TMPRSS3: variants seen among roughly 807,000 people sequenced by gnomAD.
TMPRSS3 encodes the protein transmembrane serine protease 3.
Under a neutral mutation model 59.6 loss-of-function variants are expected in TMPRSS3, and 55 were observed. The ratio of observed to expected loss-of-function variants is 0.92; its 90% CI spans 0.74 to 1.16. The LOEUF is 1.16. TMPRSS3 is among the 50% of genes most tolerant of loss of function. The probability of loss-of-function intolerance (pLI) is 0.00; values close to 1 mark genes in which losing one functional copy is unlikely to be tolerated. For missense variants in TMPRSS3, 596 were observed against 579.4 expected (o/e 1.03, Z -0.29); for synonymous variants, 257 against 237.7 (o/e 1.08, Z -0.75).
In TMPRSS3 at chr21:42,394,941, C is replaced by T. The variant is rs117876523; in HGVS notation, c.94+383G>A. The stretch of plus-strand genomic sequence containing the variant: ...TAATCTAGGCCTCTAATATCTTTGG[C>T]GACATCCAGTTTATCCTGAGTTTTC... On this transcript the variant is annotated intron_variant, in intron 2 of 12. Coordinates refer to ENST00000644384, the MANE Select transcript of TMPRSS3 (RefSeq NM_001256317.3). Among the ~76,000 whole-genome samples the T allele has an allele frequency of 7.2e-4, 109 of 152,298 alleles. 1 individual carries two copies. In the East Asian group the frequency reaches 0.02, roughly 27 times the overall value.
At chr21:42,373,406 A>G (rs2052367140) in intron 12 of TMPRSS3, among the ~76,000 whole-genome samples, 1 of 152,198 alleles carries the variant, frequency 6.6e-6, no homozygotes, top group Non-Finnish European at 1.5e-5. Context: ...TGCAGGGAGC[A>G]GGGGCCCCAG....
intron 9 of TMPRSS3, 29 bp from the exon 10 acceptor site, chr21:42,380,241 C>T (rs1213122226): frequency 1.9e-6 from 3 of 1,573,834 alleles, no homozygotes; most frequent in East Asian, 2.2e-5. Context: ...TAGTTCACAA[C>T]TCAATTGAAG....
intron 10 of TMPRSS3, 33 bp downstream of exon 10, chr21:42,380,084 C>A: frequency 6.3e-7 from 1 of 1,581,108 alleles, no homozygotes; most frequent in South Asian, 1.1e-5. Flanking sequence ...TTCTGAGCCC[C>A]TGGACTCCGA....
intron 2 of TMPRSS3, among the ~76,000 whole-genome samples, chr21:42,393,014 C>A (rs771837209): frequency 6.6e-6 from 1 of 152,184 alleles, no homozygotes; most frequent in Non-Finnish European, 1.5e-5. Context: ...ATGCAAATGG[C>A]GCACAAGTAT....
At chr21:42,390,236 C>A in intron 2 of TMPRSS3, 199 bp from the exon 3 acceptor site, 1 of 601,408 alleles carries the variant, frequency 1.7e-6, no homozygotes, top group Non-Finnish European at 3.0e-6. Context: ...CACCTCTGAC[C>A]CGGTTATTCC....
Position 42,396,037 on chromosome 21 carries a change from C to T in TMPRSS3, c.-147G>A, listed in dbSNP as rs200277359. On this transcript the variant is annotated 5_prime_UTR_variant, in exon 1 of 13. An upstream open reading frame in the 5' UTR loses its in-frame stop. Transcript: ENST00000644384. Reference sequence around the variant, plus strand: ...CCATAAACACAGCCCTTTCCTGGCTCACACGGGCATGACCTAATTAAGAAC... The same window carrying T: ...CCATAAACACAGCCCTTTCCTGGCTTACACGGGCATGACCTAATTAAGAAC... 1.7e-5 allele frequency: 9 copies of T among 518,882 alleles called. No homozygotes were observed. The highest frequency in any genetic ancestry group is 3.5e-5 in the Non-Finnish European group (9 of 259,876). The allele number at this position is 518,882 out of a possible 1,614,324, so 32.1% of individuals were successfully genotyped here.
intron 2 of TMPRSS3, chr21:42,390,270 T>C (rs1253985233): frequency 5.6e-6 from 3 of 536,552 alleles, no homozygotes; most frequent in Non-Finnish European, 1.0e-5. Context: ...GGATGTGCTA[T>C]GGGTTGAATA....
intron 8 of TMPRSS3, 99 bp downstream of exon 8, chr21:42,382,934 G>C: frequency 6.9e-7 from 1 of 1,441,548 alleles, no homozygotes; most frequent in Non-Finnish European, 9.6e-7. Context: ...TAGTCTCTCT[G>C]TCTTCCCTCT....
rs1048634430 is a variant in TMPRSS3 at position 42,375,972 on chromosome 21, A to AC, written c.1192-105dup. 1.1e-5 allele frequency: 17 copies of AC among 1,484,892 alleles called. 1 individual carries two copies. The highest frequency in any genetic ancestry group is 6.9e-5 in the African/African-American group (5 of 72,446). The allele number at this position is 1,484,892 out of a possible 1,614,324, so 92.0% of individuals were successfully genotyped here. ...TGAGGCTGCTTGCTATGGAGTTGGG[A>AC]CCCCCCTTCATGATGTCCCAATGGA... On this transcript the variant is annotated intron_variant, in intron 11 of 12. Coordinates refer to ENST00000644384, the MANE Select transcript of TMPRSS3 (RefSeq NM_001256317.3).
chr21:42,383,552 G>A lies in TMPRSS3; in HGVS notation c.617-354C>T, dbSNP rs75429417. 344 of 506,212 alleles carry A rather than the reference G, an allele frequency of 6.8e-4. 1 individual carries two copies. In the East Asian group the frequency reaches 0.011, roughly 16 times the overall value. 31.4% of individuals were successfully genotyped at this position (506,212 alleles called of 1,614,324 possible). ...CTTCTGCAGCCCCCTCCTCACTGCCGCTGGTGCACGCACCTCCCTGACTGC... is the reference window on the plus strand; with the variant it reads ...CTTCTGCAGCCCCCTCCTCACTGCCACTGGTGCACGCACCTCCCTGACTGC... On this transcript the variant is annotated intron_variant, in intron 7 of 12. Transcript: ENST00000644384.
intron 11 of TMPRSS3, 42 bp from the exon 12 acceptor site, chr21:42,375,910 G>A (rs566852292): frequency 1.1e-5 from 17 of 1,610,296 alleles, no homozygotes; most frequent in African/African-American, 2.7e-5. Flanking sequence ...GACAGTCACC[G>A]CCATGCGAGA....
rs751824789 is a variant in TMPRSS3 at position 42,388,911 on chromosome 21, G to T, written c.322+18C>A. 8 of 1,606,460 alleles carry T rather than the reference G, an allele frequency of 5.0e-6. No individual in the cohort carries two copies. Among genetic ancestry groups the T allele is most frequent in the Middle Eastern group, 1.7e-4 (1 of 5,778 alleles). On this transcript the variant is annotated intron_variant, in intron 4 of 12. Transcript: ENST00000644384. This position sits in a 1 kb window ranked among gnomAD's most constrained non-coding sequence, Gnocchi z 5.1. ...GCTGCTTCCTTCTGTTTCCCCAGGGGAAGAGCCATGACCTTACCACAGCGG... is the reference window on the plus strand; with the variant it reads ...GCTGCTTCCTTCTGTTTCCCCAGGGTAAGAGCCATGACCTTACCACAGCGG...
In TMPRSS3 at chr21:42,395,419, G is replaced by T. The variant is rs1235125095; in HGVS notation, c.-2C>A. The T allele has an allele frequency of 1.2e-6, 2 of 1,613,980 alleles. No homozygotes were observed. Among genetic ancestry groups the T allele is most frequent in the Admixed American group, 1.7e-5 (1 of 60,016 alleles). ...AGCAGGCGGATCATTTTCCCCCATG[G>T]TGACTATTTCAGGACCTCTGACATC... On this transcript the variant is annotated 5_prime_UTR_variant, in exon 2 of 13. Coordinates refer to ENST00000644384, the MANE Select transcript of TMPRSS3 (RefSeq NM_001256317.3).
Position 42,376,540 on chromosome 21 carries a change from C to T in TMPRSS3, c.1191+1G>A. 6.2e-7 allele frequency: 1 copy of T among 1,613,168 alleles called. No homozygotes were observed. Among genetic ancestry groups the T allele is most frequent in the Non-Finnish European group, 8.5e-7 (1 of 1,179,866 alleles). Reference sequence around the variant, plus strand: ...CCTCGCCCACCGCTGCGGCCCCGTACCTGGCAGCTGTCCACGCCACCCGTC... The same window carrying T: ...CCTCGCCCACCGCTGCGGCCCCGTATCTGGCAGCTGTCCACGCCACCCGTC... On this transcript the variant is annotated splice_donor_variant, in intron 11 of 12. Coordinates refer to ENST00000644384, the MANE Select transcript of TMPRSS3 (RefSeq NM_001256317.3). LOFTEE classifies it high-confidence loss of function.
intron 12 of TMPRSS3, among the ~76,000 whole-genome samples, chr21:42,374,310 G>A (rs1193905473): frequency 6.6e-6 from 1 of 152,216 alleles, no homozygotes; most frequent in Non-Finnish European, 1.5e-5. Flanking sequence ...ACGCCCCGAG[G>A]GGGTGCTCAG....
Position 42,395,720 on chromosome 21 carries a change from C to T in TMPRSS3, c.-52+222G>A, listed in dbSNP as rs17114842. ...GAACTTAATTCTGCTAAGACAATGACTTTCCCATTGTTTGTCCAACCAATC... is the reference window on the plus strand; with the variant it reads ...GAACTTAATTCTGCTAAGACAATGATTTTCCCATTGTTTGTCCAACCAATC... On this transcript the variant is annotated intron_variant, in intron 1 of 12. Transcript: ENST00000644384. 0.089 allele frequency: 36,216 copies of T among 405,154 alleles called. 2,181 individuals carry two copies. Among genetic ancestry groups the T allele is most frequent in the South Asian group, 0.18 (8,202 of 46,752 alleles). 25.1% of individuals were successfully genotyped at this position (405,154 alleles called of 1,614,324 possible). A position where few individuals can be genotyped will look rare whatever the true frequency, so the allele number is the denominator to read the frequency against.
At chr21:42,382,289 A>C in intron 8 of TMPRSS3, 55 bp from the exon 9 acceptor site, 278 of 1,508,068 alleles carry the variant, frequency 1.8e-4, no homozygotes, top group Middle Eastern at 3.7e-4. Context: ...CACTGAACTC[A>C]TTGACCTCAG....
chr21:42,380,646 G>A (rs945463451), intron 9 of TMPRSS3, among the ~76,000 whole-genome samples: 10 of 152,238 alleles, frequency 6.6e-5, no homozygotes, highest in African/African-American at 2.4e-4. Context: ...GCCAACGCGT[G>A]CCCACTCCTG....
intron 2 of TMPRSS3, among the ~76,000 whole-genome samples, chr21:42,392,978 A>C (rs2052752479): frequency 6.6e-6 from 1 of 152,250 alleles, no homozygotes; most frequent in Non-Finnish European, 1.5e-5. Flanking sequence ...AAACAATGAA[A>C]TGTACAGCAT....
Sources: allele counts gnomAD v4.1 joint callset (sites outside exome capture counted in the v4.1 genomes callset), GRCh38; gene constraint gnomAD v4.1.1; non-coding constraint Gnocchi (gnomAD v3.1); transcripts MANE v1.5; gene names NCBI Gene and HGNC (gene_info 2026-07-23, HGNC 2026-07-21).